Variants in ZNF124 observed in about 807,000 individuals in gnomAD.
The protein encoded by ZNF124 is zinc finger protein HZF-16.
A neutral mutation model predicts 26.6 loss-of-function variants in ZNF124; 25 were observed. The ratio of observed to expected loss-of-function variants is 0.94; its 90% CI spans 0.68 to 1.31. The LOEUF (loss-of-function observed/expected upper bound fraction) is 1.31, where lower values mean the gene tolerates loss of function less well. Ranked by LOEUF, ZNF124 falls within the 40% of genes most tolerant of loss-of-function variation. The pLI, the probability that ZNF124 is intolerant of heterozygous loss-of-function variation, is 0.00. For synonymous variants in ZNF124, 129 were observed against 133.3 expected, an observed-to-expected ratio of 0.97 and a Z score of 0.22; for missense variants, 444 against 422.2, an observed-to-expected ratio of 1.05 and a Z score of -0.45.
chr1:247,156,372 T>G lies in ZNF124; in HGVS notation c.*194A>C, dbSNP rs1673129031. The G allele has an allele frequency of 1.6e-6, 2 of 1,252,062 alleles. No individual in the cohort carries two copies. Among genetic ancestry groups the G allele is most frequent in the Non-Finnish European group, 2.0e-6 (2 of 999,164 alleles). The allele number at this position is 1,252,062 out of a possible 1,614,324, so 77.6% of individuals were successfully genotyped here. Reference sequence around the variant, plus strand: ...TTTTCTTCAGTGAGTCCTTTCAAGTTTTCAAAAAGAAATGGAAAAATTGAA... The same window carrying G: ...TTTTCTTCAGTGAGTCCTTTCAAGTGTTCAAAAAGAAATGGAAAAATTGAA... On this transcript the variant is annotated 3_prime_UTR_variant, in exon 4 of 4. Coordinates refer to ENST00000543802, the MANE Select transcript of ZNF124 (RefSeq NM_001297568.2).
At chr1:247,136,960 A>C (rs1436422088) in intron 3 of ZNF124, among the ~76,000 whole-genome samples, 1 of 151,640 alleles carries the variant, frequency 6.6e-6, no homozygotes, top group African/African-American at 2.4e-5. Flanking sequence ...AAAAAAAAAA[A>C]TTATATGGAG....
rs549552874 is a variant in ZNF124 at position 247,157,482 on chromosome 1, T to C, written c.219-79A>G. On this transcript the variant is annotated intron_variant, in intron 3 of 3. Coordinates refer to ENST00000543802, the MANE Select transcript of ZNF124 (RefSeq NM_001297568.2). ...TGGTTTTACTCTAGCAGGAATTTTTTTGTTCAGATTAAAATTTGGCATCTG... is the reference window on the plus strand; with the variant it reads ...TGGTTTTACTCTAGCAGGAATTTTTCTGTTCAGATTAAAATTTGGCATCTG... 13 of 1,406,724 alleles carry C rather than the reference T, an allele frequency of 9.2e-6. No homozygotes were observed. The East Asian group carries it at 2.7e-4, about 30-fold the overall frequency. 87.1% of individuals were successfully genotyped at this position (1,406,724 alleles called of 1,614,324 possible). A position where few individuals can be genotyped will look rare whatever the true frequency, so the allele number is the denominator to read the frequency against.
rs1375763717 is a variant in ZNF124, at chr1:247,159,593, T to C, written c.157+94A>G. The C allele has an allele frequency of 2.8e-5, 38 of 1,357,488 alleles. No individual in the cohort carries two copies. In the Admixed American group the frequency reaches 5.4e-4, roughly 19 times the overall value. The allele number at this position is 1,357,488 out of a possible 1,614,324, so 84.1% of individuals were successfully genotyped here. A position where few individuals can be genotyped will look rare whatever the true frequency, so the allele number is the denominator to read the frequency against. On this transcript the variant is annotated intron_variant, in intron 2 of 3. Transcript: ENST00000543802. ...CATGCCTCATTCACTCATCAAAGTG[T>C]TCCCTTTGTACATTCCAAATCATGG...
rs144428045 is a variant in ZNF124 at position 247,168,151 on chromosome 1, C to A, written c.30+3697G>T. On this transcript the variant is annotated intron_variant, in intron 1 of 3. Transcript: ENST00000543802. This position sits in a 1 kb window ranked among gnomAD's most constrained non-coding sequence, Gnocchi z 4.0. Reference sequence around the variant, plus strand: ...CGCCATGGAAAACAGTATGAAGATTCCTTAAAGAACTAAAAGTAGAACTAC... The same window carrying A: ...CGCCATGGAAAACAGTATGAAGATTACTTAAAGAACTAAAAGTAGAACTAC... Among the ~76,000 whole-genome samples, 1,264 of 152,228 alleles carry A rather than the reference C, an allele frequency of 8.3e-3. 22 individuals are homozygous for A. The highest frequency in any genetic ancestry group is 0.028 in the African/African-American group (1,152 of 41,516).
rs138870943 is a variant in ZNF124, at chr1:247,147,261, C to G, written c.218+11745G>C. Among the ~76,000 whole-genome samples, 662 of 137,094 alleles carry G rather than the reference C, an allele frequency of 4.8e-3. 9 individuals are homozygous for G. Among genetic ancestry groups the G allele is most frequent in the African/African-American group, 0.016 (604 of 36,862 alleles). The allele number at this position is 137,094 out of a possible 152,430, so 89.9% of individuals were successfully genotyped here. The stretch of plus-strand genomic sequence containing the variant: ...TTTTTTTTTGAGTCGGGGTCTTGCT[C>G]TGTTGCCCAGGCTGGAGTCCAGTGG... On this transcript the variant is annotated intron_variant, in intron 3 of 3. Coordinates refer to the ZNF124 transcript ENST00000472531.
At chr1:247,153,120 G>A (rs781220022), downstream of ZNF124, among the ~76,000 whole-genome samples, 88 of 149,332 alleles carry the variant, frequency 5.9e-4, no homozygotes, top group Non-Finnish European at 9.9e-4. Context: ...GCAACAGAGT[G>A]AGACTCCATC....
Position 247,168,742 on chromosome 1 carries a change from A to C in ZNF124, c.30+3106T>G, listed in dbSNP as rs1262846446. ...GGAAATGGAGGCATTATTCTAAGTG[A>C]AGTAACTCAGGAATGGAAAACCAAA... On this transcript the variant is annotated intron_variant, in intron 1 of 3. Transcript: ENST00000543802. This position sits in a 1 kb window ranked among gnomAD's most constrained non-coding sequence, Gnocchi z 4.0. Among the ~76,000 whole-genome samples the C allele has an allele frequency of 2.0e-5, 3 of 152,204 alleles. No individual in the cohort carries two copies. Among genetic ancestry groups the C allele is most frequent in the Non-Finnish European group, 4.4e-5 (3 of 68,038 alleles).
intron 1 of ZNF124, among the ~76,000 whole-genome samples, chr1:247,164,661 GA>G (rs1673677193): frequency 6.6e-6 from 1 of 151,706 alleles, no homozygotes; most frequent in African/African-American, 2.4e-5. Context: ...TCATTGATAG[GA>G]AGAATTAATA....
At chr1:247,167,228 G>A (rs188822775) in intron 1 of ZNF124, among the ~76,000 whole-genome samples, 343 of 152,228 alleles carry the variant, frequency 2.3e-3, no homozygotes, top group African/African-American at 7.9e-3. Context: ...AGGAAAGAGC[G>A]GTAGAGAACC....
chr1:247,170,492 C>T (rs1027195942), intron 1 of ZNF124, among the ~76,000 whole-genome samples: 1 of 147,812 alleles, frequency 6.8e-6, no homozygotes, highest in Non-Finnish European at 1.5e-5. Flanking sequence ...GAAACCAGTA[C>T]CCTTGTGGAA....
intron 3 of ZNF124, among the ~76,000 whole-genome samples, chr1:247,132,770 G>T (rs1253334210): frequency 1.3e-5 from 2 of 152,132 alleles, no homozygotes; most frequent in African/African-American, 4.8e-5. Context: ...TCCCTGTCCT[G>T]TTCTGTTCCG....
At chr1:247,140,946 C>T (rs964238314) in intron 3 of ZNF124, among the ~76,000 whole-genome samples, 1 of 152,298 alleles carries the variant, frequency 6.6e-6, no homozygotes, top group South Asian at 2.1e-4. Flanking sequence ...GGGCTGCCCA[C>T]CACAGCTCTG....
chr1:247,147,852 A>G (rs1672826554), intron 3 of ZNF124, among the ~76,000 whole-genome samples: 1 of 150,314 alleles, frequency 6.7e-6, no homozygotes, highest in African/African-American at 2.5e-5. Context: ...GTGTAGAAAC[A>G]CAAGAAGACA....
intron 3 of ZNF124, among the ~76,000 whole-genome samples, chr1:247,125,670 T>C (rs1672199655): frequency 6.8e-6 from 1 of 148,144 alleles, no homozygotes; most frequent in Admixed American, 6.8e-5. Context: ...GACCTCGTGA[T>C]CGGCGCCGGC....
intron 3 of ZNF124, among the ~76,000 whole-genome samples, chr1:247,144,895 C>T (rs779484278): frequency 5.3e-5 from 8 of 152,064 alleles, no homozygotes; most frequent in Non-Finnish European, 8.8e-5. Context: ...CCTGCCTCAG[C>T]CTCCTGAGTA....
chr1:247,162,219 ACTAG>A (rs1330317798), intron 1 of ZNF124, among the ~76,000 whole-genome samples: 2 of 152,208 alleles, frequency 1.3e-5, no homozygotes, highest in African/African-American at 4.8e-5. Flanking sequence ...CTGCATAATA[ACTAG>A]CTAACGACAC....
Position 247,156,490 on chromosome 1 carries a change from T to A in ZNF124, c.*76A>T. Reference sequence around the variant, plus strand: ...AATCTGGGAAAATTAAGTACTTTCCTACACCTTACATTCACAGTTTCTCTC... The same window carrying A: ...AATCTGGGAAAATTAAGTACTTTCCAACACCTTACATTCACAGTTTCTCTC... On this transcript the variant is annotated 3_prime_UTR_variant, in exon 4 of 4. Coordinates refer to ENST00000543802, the MANE Select transcript of ZNF124 (RefSeq NM_001297568.2). 3 of 1,435,754 alleles carry A rather than the reference T, an allele frequency of 2.1e-6. No homozygotes were observed. Among genetic ancestry groups the A allele is most frequent in the South Asian group, 1.7e-5 (1 of 59,856 alleles). The allele number at this position is 1,435,754 out of a possible 1,614,324, so 88.9% of individuals were successfully genotyped here. A position where few individuals can be genotyped will look rare whatever the true frequency, so the allele number is the denominator to read the frequency against.
chr1:247,161,006 A>C (rs1278505788), intron 1 of ZNF124, among the ~76,000 whole-genome samples: 1 of 152,242 alleles, frequency 6.6e-6, no homozygotes, highest in Non-Finnish European at 1.5e-5. Flanking sequence ...AATGTCATCT[A>C]GATGTCACCT....
chr1:247,124,226 CAG>C (rs1468178607), intron 3 of ZNF124, among the ~76,000 whole-genome samples: 1 of 148,710 alleles, frequency 6.7e-6, no homozygotes, highest in African/African-American at 2.5e-5. Flanking sequence ...TTTTTTGAGA[CAG>C]AGTCTCGCTC....
Sources: gnomAD v4.1 joint callset for allele counts (sites outside exome capture counted in the v4.1 genomes callset) on GRCh38, gnomAD v4.1.1 for gene constraint, Gnocchi (gnomAD v3.1) non-coding constraint, MANE v1.5 for transcripts, NCBI Gene and HGNC (gene_info 2026-07-23, HGNC 2026-07-21) for gene names.